The following UBAC2 variants were observed in gnomAD, a reference collection of about 807,000 sequenced individuals.
UBAC2 encodes UBA domain containing 2.
UBAC2 carries 26 observed loss-of-function variants against 44.0 expected under a neutral mutation model. That is an observed-to-expected ratio of 0.59 (90% CI 0.43 to 0.82). The LOEUF (loss-of-function observed/expected upper bound fraction) is 0.82, where lower values mean the gene tolerates loss of function less well. UBAC2 is among the 40% of genes least tolerant of loss of function. UBAC2 has a pLI of 0.00. For synonymous variants in UBAC2, 155 were observed against 154.3 expected (o/e 1.00, Z -0.04); for missense variants, 329 against 419.4 (o/e 0.78, Z 1.88).
chr13:99,238,509 GA>G lies in UBAC2; in HGVS notation c.116del (p.Lys39SerfsTer19). The G allele has an allele frequency of 6.2e-7, 1 of 1,613,714 alleles. No individual in the cohort carries two copies. Among genetic ancestry groups the G allele is most frequent in the South Asian group, 1.1e-5 (1 of 91,066 alleles). The part of the protein sequence containing the change: ...LLALLLPHCQ[K>X]LFVYDLHAVK... The stretch of plus-strand genomic sequence containing the variant: ...TCGCCCTCCTCCTGCCTCACTGCCA[GA>G]AGCTCTTTGTGTATGACCTTCACGC... On this transcript the variant is annotated frameshift_variant, in exon 2 of 9. Transcript: ENST00000403766. LOFTEE classifies it high-confidence loss of function.
chr13:99,299,754 T>C (rs2044230003), intron 4 of UBAC2, among the ~76,000 whole-genome samples: 1 of 152,206 alleles, frequency 6.6e-6, no homozygotes, highest in African/African-American at 2.4e-5. Context: ...ACCTTTGCAT[T>C]GTGTCATCAT....
At chr13:99,277,820 G>A (rs866350273) in intron 4 of UBAC2, among the ~76,000 whole-genome samples, 5 of 152,158 alleles carry the variant, frequency 3.3e-5, no homozygotes, top group South Asian at 2.1e-4. Context: ...GTCACCACCC[G>A]CAAGCCTCAT....
At chr13:99,368,007 A>G (rs527391604) in intron 8 of UBAC2, 101 bp downstream of exon 8, 2 of 1,430,378 alleles carry the variant, frequency 1.4e-6, no homozygotes, top group Admixed American at 2.2e-5. Context: ...GTGTAAATAC[A>G]AAGATGGTGA....
chr13:99,215,633 C>G, intron 1 of UBAC2: 1 of 1,332,060 alleles, frequency 7.5e-7, no homozygotes, highest in Non-Finnish European at 1.1e-6. Flanking sequence ...GTCTGTGACC[C>G]GTCGTCCTAG....
intron 4 of UBAC2, among the ~76,000 whole-genome samples, chr13:99,291,561 A>C (rs1594093268): frequency 6.6e-6 from 1 of 152,192 alleles, no homozygotes; most frequent in Non-Finnish European, 1.5e-5. Context: ...ATCGCATGCC[A>C]CCTTGTACTC....
At chr13:99,291,784 T>C (rs761073205) in intron 4 of UBAC2, among the ~76,000 whole-genome samples, 32 of 152,234 alleles carry the variant, frequency 2.1e-4, no homozygotes, top group Non-Finnish European at 4.1e-4. Flanking sequence ...GTTGTTTCTT[T>C]TCATTGAGAA....
chr13:99,262,554 T>C (rs1281242330), intron 4 of UBAC2, among the ~76,000 whole-genome samples: 6 of 151,584 alleles, frequency 4.0e-5, no homozygotes, highest in African/African-American at 1.5e-4. Flanking sequence ...AATACAAAAA[T>C]TAGCTGGGCA....
chr13:99,361,330 A>G lies in UBAC2; in HGVS notation c.808-6457A>G, dbSNP rs867634052. Among the ~76,000 whole-genome samples, 108 of 152,352 alleles carry G rather than the reference A, an allele frequency of 7.1e-4. 1 individual carries two copies. The Middle Eastern group carries it at 0.017, about 24-fold the overall frequency. On this transcript the variant is annotated intron_variant, in intron 7 of 8. Coordinates refer to ENST00000403766, the MANE Select transcript of UBAC2 (RefSeq NM_001144072.2). ...AAACATTTCCTGTTTATAGAGGCTC[A>G]TATTTAACCCTACGTAAAGAGCAGA...
At chr13:99,352,470 G>A (rs1205723688) in intron 7 of UBAC2, among the ~76,000 whole-genome samples, 1 of 152,152 alleles carries the variant, frequency 6.6e-6, no homozygotes, top group Non-Finnish European at 1.5e-5. Flanking sequence ...TGAGCTTCAC[G>A]TTTCTGAGGT....
chr13:99,353,711 T>C (rs978366126), intron 7 of UBAC2, among the ~76,000 whole-genome samples: 3 of 135,406 alleles, frequency 2.2e-5, no homozygotes, highest in African/African-American at 9.0e-5. Context: ...TCATAATCAT[T>C]CTGGGAAGTT....
At chr13:99,329,633 C>G (rs1056113403) in intron 6 of UBAC2, among the ~76,000 whole-genome samples, 10 of 152,224 alleles carry the variant, frequency 6.6e-5, no homozygotes, top group African/African-American at 2.4e-4. Context: ...CATGAGGACT[C>G]TTAAGCAGAC....
chr13:99,299,471 C>T (rs555465407), intron 4 of UBAC2, among the ~76,000 whole-genome samples: 1 of 152,200 alleles, frequency 6.6e-6, no homozygotes, highest in East Asian at 1.9e-4. Context: ...CGCACACACA[C>T]ACACAGAAAG....
At chr13:99,245,757 C>T (rs975980055) in intron 4 of UBAC2, among the ~76,000 whole-genome samples, 2 of 152,200 alleles carry the variant, frequency 1.3e-5, no homozygotes, top group African/African-American at 4.8e-5. Flanking sequence ...ATCACTTGAA[C>T]CCGGGAGGCA....
intron 8 of UBAC2, among the ~76,000 whole-genome samples, chr13:99,368,979 C>T (rs534533507): frequency 4.6e-5 from 7 of 151,962 alleles, no homozygotes; most frequent in Non-Finnish European, 8.8e-5. Context: ...GAGCCAGCTG[C>T]GGGATCCCAC....
At chr13:99,232,399 G>GAGAGATATATATATATATAT (rs1367302629) in intron 1 of UBAC2, among the ~76,000 whole-genome samples, 10 of 109,902 alleles carry the variant, frequency 9.1e-5, no homozygotes, top group Non-Finnish European at 1.9e-4. Flanking sequence ...TTAGTTGAGA[G>GAGAGATATATATATATATAT]ATATAGATAT....
chr13:99,378,281 A>G (rs1476456195), intron 8 of UBAC2, among the ~76,000 whole-genome samples: 1 of 152,144 alleles, frequency 6.6e-6, no homozygotes, highest in Admixed American at 6.5e-5. Context: ...AATTCCAGCA[A>G]GTTGGGAGGC....
At chr13:99,265,480 T>G (rs1332633437) in intron 4 of UBAC2, among the ~76,000 whole-genome samples, 4 of 152,232 alleles carry the variant, frequency 2.6e-5, no homozygotes, top group Non-Finnish European at 4.4e-5. Flanking sequence ...AACATTTGAT[T>G]TAGGATCAGT....
intron 4 of UBAC2, among the ~76,000 whole-genome samples, chr13:99,312,086 C>T (rs2044419143): frequency 2.6e-5 from 4 of 152,222 alleles, no homozygotes; most frequent in Admixed American, 2.6e-4. Flanking sequence ...GCAGTTGATG[C>T]GGCTGCCATT....
At chr13:99,378,510 G>T (rs1443201375) in intron 8 of UBAC2, among the ~76,000 whole-genome samples, 1 of 152,192 alleles carries the variant, frequency 6.6e-6, no homozygotes, top group Non-Finnish European at 1.5e-5. Context: ...CTGGGTGACT[G>T]AGCAAGACTC....
Sources: allele counts gnomAD v4.1 joint callset (sites outside exome capture counted in the v4.1 genomes callset), GRCh38; gene constraint gnomAD v4.1.1; transcripts MANE v1.5; gene names NCBI Gene and HGNC (gene_info 2026-07-23, HGNC 2026-07-21).